The following SCAPER variants were observed in gnomAD, a reference collection of about 807,000 sequenced individuals.
SCAPER encodes the protein S-phase cyclin A associated protein in the ER, also known as S phase cyclin A-associated protein in the endoplasmic reticulum.
A neutral mutation model predicts 182.2 loss-of-function variants in SCAPER; 98 were observed. The observed-to-expected ratio is 0.54, with a 90% confidence interval of 0.46 to 0.64. The LOEUF (loss-of-function observed/expected upper bound fraction) is 0.64. SCAPER is among the 30% of genes least tolerant of loss of function. The pLI, the probability that SCAPER is intolerant of heterozygous loss-of-function variation, is 0.00. For missense variants in SCAPER, 1,432 were observed against 1,690.0 expected (o/e 0.85, Z 2.68); for synonymous variants, 605 against 564.6 (o/e 1.07, Z -1.01).
intron 14 of SCAPER, among the ~76,000 whole-genome samples, chr15:76,760,590 G>T (rs904622748): frequency 6.6e-6 from 1 of 152,154 alleles, no homozygotes; most frequent in Admixed American, 6.5e-5. Context: ...GGAGGTTGAA[G>T]TTCTGGTAGC....
chr15:76,395,234 T>G (rs966977336), intron 27 of SCAPER, among the ~76,000 whole-genome samples: 5 of 152,248 alleles, frequency 3.3e-5, no homozygotes, highest in African/African-American at 1.2e-4. Context: ...ACATTTTCTA[T>G]ATCCATTCAT....
intron 4 of SCAPER, 78 bp from the exon 5 acceptor site, chr15:76,842,009 C>G: frequency 7.8e-7 from 1 of 1,280,612 alleles, no homozygotes; most frequent in Non-Finnish European, 1.1e-6. Context: ...AAGATTCAAT[C>G]AACTACAAAT....
At chr15:76,408,774 T>C (rs921518186) in intron 26 of SCAPER, among the ~76,000 whole-genome samples, 1 of 151,838 alleles carries the variant, frequency 6.6e-6, no homozygotes, top group South Asian at 2.1e-4. Flanking sequence ...TCCTTTGCAC[T>C]GAATTCACTG....
intron 19 of SCAPER, among the ~76,000 whole-genome samples, chr15:76,702,598 C>T (rs757123077): frequency 5.9e-5 from 9 of 152,036 alleles, no homozygotes; most frequent in Non-Finnish European, 1.2e-4. Flanking sequence ...CAGACATGCA[C>T]CACCATGCCC....
intron 29 of SCAPER, among the ~76,000 whole-genome samples, chr15:76,366,194 A>G (rs1450915478): frequency 1.3e-5 from 2 of 152,214 alleles, no homozygotes; most frequent in Non-Finnish European, 2.9e-5. Flanking sequence ...GGGCAGATGA[A>G]TGGACAGCAT....
At chr15:76,373,492 T>C (rs2042329527) in intron 29 of SCAPER, among the ~76,000 whole-genome samples, 2 of 151,530 alleles carry the variant, frequency 1.3e-5, no homozygotes, top group East Asian at 3.9e-4. Flanking sequence ...CCCTGAGCAG[T>C]TTGTAAGAGA....
intron 15 of SCAPER, among the ~76,000 whole-genome samples, chr15:76,745,658 C>G (rs2061758778): frequency 6.6e-6 from 1 of 152,158 alleles, no homozygotes; most frequent in South Asian, 2.1e-4. Flanking sequence ...GACCATCCAT[C>G]TCTATGGAAA....
intron 21 of SCAPER, among the ~76,000 whole-genome samples, chr15:76,627,096 G>C (rs1486781645): frequency 6.6e-6 from 1 of 151,974 alleles, no homozygotes; most frequent in East Asian, 1.9e-4. Context: ...GTGTAGTGTT[G>C]TACACTGCAT....
At chr15:76,726,124 A>AATATAT (rs765875424) in intron 17 of SCAPER, among the ~76,000 whole-genome samples, 34 of 15,352 alleles carry the variant, frequency 2.2e-3, no homozygotes, top group African/African-American at 4.7e-3. Flanking sequence ...TAATGTCTAG[A>AATATAT]ATATATATAT....
intron 19 of SCAPER, among the ~76,000 whole-genome samples, chr15:76,702,518 G>A (rs1434141999): frequency 6.6e-6 from 1 of 151,968 alleles, no homozygotes; most frequent in African/African-American, 2.4e-5. Context: ...CATGATCTTG[G>A]CTCACTGCAA....
At chr15:76,381,657 T>G in intron 27 of SCAPER, 42 bp from the exon 28 acceptor site, 1 of 1,453,756 alleles carries the variant, frequency 6.9e-7, no homozygotes. Flanking sequence ...AACTACTTAA[T>G]GGATGTTAGC....
intron 15 of SCAPER, among the ~76,000 whole-genome samples, chr15:76,738,090 A>T (rs754763929): frequency 6.6e-6 from 1 of 152,184 alleles, no homozygotes; most frequent in East Asian, 1.9e-4. Context: ...TTGCATTTAC[A>T]ACCTGACTGA....
At chr15:76,387,730 C>T (rs1330294923) in intron 27 of SCAPER, among the ~76,000 whole-genome samples, 1 of 152,072 alleles carries the variant, frequency 6.6e-6, no homozygotes, top group African/African-American at 2.4e-5. Context: ...AGAAAGTAAT[C>T]AATAACAAAG....
chr15:76,547,088 G>A (rs1286736991), intron 23 of SCAPER, among the ~76,000 whole-genome samples: 1 of 152,186 alleles, frequency 6.6e-6, no homozygotes, highest in Non-Finnish European at 1.5e-5. Flanking sequence ...TTTTGGGGTT[G>A]AATAGGGAAT....
At chr15:76,398,164 G>A (rs1307913594) in intron 27 of SCAPER, among the ~76,000 whole-genome samples, 1 of 152,142 alleles carries the variant, frequency 6.6e-6, no homozygotes, top group Non-Finnish European at 1.5e-5. Context: ...CAAGGGCCAT[G>A]TTAAATTTTA....
chr15:76,783,090 A>G (rs1239308167), intron 8 of SCAPER, among the ~76,000 whole-genome samples: 4 of 152,160 alleles, frequency 2.6e-5, no homozygotes, highest in Admixed American at 2.0e-4. Context: ...CATGAATCCA[A>G]GAGGTGTTTT....
In SCAPER at chr15:76,753,861, G is replaced by A; in HGVS notation, c.1813C>T (p.Arg605Ter). 7 of 1,612,922 alleles carry A rather than the reference G, an allele frequency of 4.3e-6. No individual in the cohort carries two copies. The highest frequency in any genetic ancestry group is 5.1e-6 in the Non-Finnish European group (6 of 1,179,274). ...EEKLLHAEFK[R>*]EVQLQAIVKK... ...ACAATTGCTTGTAACTGCACTTCTC[G>A]CTTAAACTCAGCATGAAGTAATTTT... is the stretch of plus-strand genomic sequence containing the variant. The change falls in exon 15 of 32, where the codon CGA (arginine) becomes TGA (stop). Residue 605 changes from arginine to a stop codon, truncating the protein, a stop_gained. Coordinates refer to ENST00000563290, the MANE Select transcript of SCAPER (RefSeq NM_020843.4). LOFTEE classifies it high-confidence loss of function.
At chr15:76,887,628 TAGGTA>T (rs1206396319) in intron 1 of SCAPER, among the ~76,000 whole-genome samples, 11 of 151,984 alleles carry the variant, frequency 7.2e-5, no homozygotes, top group Non-Finnish European at 1.6e-4. Flanking sequence ...GAGGCATGAG[TAGGTA>T]AACAAAGCAG....
In SCAPER at chr15:76,743,331, G is replaced by C. The variant is rs371578727; in HGVS notation, c.1867-9947C>G. Among the ~76,000 whole-genome samples the C allele has an allele frequency of 2.0e-5, 3 of 152,212 alleles. No homozygotes were observed. In the East Asian group the frequency reaches 5.8e-4, roughly 29 times the overall value. ...TGAGAGCACCAACAGGTGGGCAAGT[G>C]GTAGCAAGGTTTTAAAACAGTATTT... On this transcript the variant is annotated intron_variant, in intron 15 of 31. Transcript: ENST00000563290.
Sources: allele counts gnomAD v4.1 joint callset (sites outside exome capture counted in the v4.1 genomes callset), GRCh38; gene constraint gnomAD v4.1.1; transcripts MANE v1.5; gene names NCBI Gene and HGNC (gene_info 2026-07-23, HGNC 2026-07-21).